The following KNTC1 variants were observed in gnomAD, a reference collection of about 807,000 sequenced individuals.
The protein encoded by KNTC1 is kinetochore-associated protein 1.
KNTC1 carries 253 observed loss-of-function variants against 314.4 expected under a neutral mutation model. The observed-to-expected ratio is 0.80, with a 90% CI of 0.73 to 0.89. The LOEUF (loss-of-function observed/expected upper bound fraction) is 0.89. Among genes scored for constraint, KNTC1 ranks in the 40% least tolerant of loss-of-function variants. KNTC1 has a pLI of 0.00. For synonymous variants in KNTC1, 901 were observed against 901.4 expected (o/e 1.00, Z 0.01); for missense variants, 2,475 against 2,572.9 (o/e 0.96, Z 0.82).
intron 37 of KNTC1, among the ~76,000 whole-genome samples, 165 bp downstream of exon 37, chr12:122,585,939 T>C (rs1236504807): frequency 6.6e-6 from 1 of 152,222 alleles, no homozygotes; most frequent in Non-Finnish European, 1.5e-5. Context: ...TGTGATTTCA[T>C]TTATGTAAAG....
In KNTC1 at chr12:122,530,009, T is replaced by C; in HGVS notation, c.-55T>C. 1 of 1,587,686 alleles carries C rather than the reference T, an allele frequency of 6.3e-7. No homozygotes were observed. Among genetic ancestry groups the C allele is most frequent in the Non-Finnish European group, 8.6e-7 (1 of 1,165,736 alleles). ...CAACAAGATAATATGGTGTCTAATT[T>C]TATGTTGTTCAGGAAAGACAGTGGT... On this transcript the variant is annotated 5_prime_UTR_variant, in exon 2 of 64. Coordinates refer to ENST00000333479, the MANE Select transcript of KNTC1 (RefSeq NM_014708.6).
chr12:122,587,902 C>T, intron 39 of KNTC1, 28 bp downstream of exon 39: 1 of 1,594,930 alleles, frequency 6.3e-7, no homozygotes, highest in Non-Finnish European at 8.6e-7. Context: ...AATACTTTGA[C>T]TTGGGGTGAA....
At chr12:122,594,448 C>A in intron 43 of KNTC1, 63 bp downstream of exon 43, 1 of 916,518 alleles carries the variant, frequency 1.1e-6, no homozygotes, top group Non-Finnish European at 1.8e-6. Flanking sequence ...TTTGCAAGAA[C>A]ACAGTAATAA....
chr12:122,603,181 C>G lies in KNTC1; in HGVS notation c.5039C>G (p.Ser1680Cys), dbSNP rs367958993. 1.2e-6 allele frequency: 2 copies of G among 1,613,232 alleles called. No individual in the cohort carries two copies. The highest frequency in any genetic ancestry group is 1.1e-5 in the South Asian group (1 of 90,996). The change falls in exon 48 of 64, where the codon TCT (serine) becomes TGT (cysteine). Residue 1680 changes from serine (S) to cysteine (C), a missense_variant. Ser to Cys is a moderately radical substitution (Grantham distance 112, BLOSUM62 -1). Transcript: ENST00000333479. ...CAGACCATCGAATCCTGCTTACTCT[C>G]TATAGTCAACCCAGAGTGGGCTGTA... The part of the protein sequence containing the change: ...ITQTIESCLL[S>C]IVNPEWAVAI...
chr12:122,533,449 C>T (rs1961539473), intron 2 of KNTC1, among the ~76,000 whole-genome samples: 1 of 152,104 alleles, frequency 6.6e-6, no homozygotes, highest in Non-Finnish European at 1.5e-5. Flanking sequence ...ATTCCCGGCA[C>T]TTTGGGTGGT....
At position 122,577,761 on chromosome 12, in the gene KNTC1, A is replaced by G. The variant is rs374689028; in HGVS notation, c.2811A>G (p.Ala937=). 51 of 1,613,644 alleles carry G rather than the reference A, an allele frequency of 3.2e-5. No homozygotes were observed. The highest frequency in any genetic ancestry group is 3.7e-5 in the Non-Finnish European group (44 of 1,179,758). ...AERVIIWARL[A]LQEEPDHSKE... The stretch of plus-strand genomic sequence containing the variant: ...GAGTCATCATATGGGCACGACTGGC[A>G]TTACAAGAAGAGCCAGATCATTCTA... Residue 937 remains alanine (A), a synonymous_variant, in exon 31 of 64, where the codon GCA becomes GCG. Coordinates refer to ENST00000333479, the MANE Select transcript of KNTC1 (RefSeq NM_014708.6).
intron 36 of KNTC1, 77 bp downstream of exon 36, chr12:122,585,067 T>G: frequency 1.2e-6 from 1 of 811,072 alleles, no homozygotes; most frequent in Non-Finnish European, 2.1e-6. Context: ...GGACAGGGTT[T>G]TGTTCTGTCA....
intron 49 of KNTC1, 105 bp from the exon 50 acceptor site, chr12:122,604,772 A>T (rs189264223): frequency 2.3e-6 from 3 of 1,278,628 alleles, no homozygotes; most frequent in Non-Finnish European, 3.3e-6. Context: ...GCTTAGGAAC[A>T]TAACTGAGGA....
At chr12:122,588,910 C>A in intron 40 of KNTC1, 94 bp downstream of exon 40, 2 of 668,048 alleles carry the variant, frequency 3.0e-6, no homozygotes, top group Non-Finnish European at 4.8e-6. Context: ...TGATTCAGTA[C>A]AGTAGTATTT....
intron 3 of KNTC1, among the ~76,000 whole-genome samples, chr12:122,537,635 C>T (rs1961947682): frequency 1.3e-5 from 2 of 151,564 alleles, no homozygotes; most frequent in African/African-American, 4.8e-5. Context: ...CCAGGCTGGT[C>T]TCGAACTCCT....
At chr12:122,598,429 T>TA (rs1338604750) in intron 44 of KNTC1, among the ~76,000 whole-genome samples, 1 of 147,932 alleles carries the variant, frequency 6.8e-6, no homozygotes, top group African/African-American at 2.5e-5. Context: ...TTCTTTTTTT[T>TA]TTTTTTTTTG....
chr12:122,625,076 C>A (rs868433674), intron 63 of KNTC1, among the ~76,000 whole-genome samples: 2 of 152,012 alleles, frequency 1.3e-5, no homozygotes, highest in Admixed American at 6.6e-5. Flanking sequence ...AATTATTATT[C>A]TTTAATTACC....
chr12:122,544,816 C>G (rs1307268637), intron 8 of KNTC1, among the ~76,000 whole-genome samples: 2 of 152,120 alleles, frequency 1.3e-5, no homozygotes, highest in Non-Finnish European at 2.9e-5. Flanking sequence ...TTTGCCCATC[C>G]AGCTTCACAA....
chr12:122,585,543 T>C, intron 36 of KNTC1, 93 bp from the exon 37 acceptor site: 1 of 1,393,660 alleles, frequency 7.2e-7, no homozygotes, highest in South Asian at 1.3e-5. Context: ...AGAGTTTAAC[T>C]TAAAATGAAA....
rs186356100 is a variant in KNTC1, at chr12:122,536,049, A to G, written c.250+1265A>G. 1.2e-3 allele frequency among the ~76,000 whole-genome samples: 182 copies of G among 148,742 alleles called. 1 individual carries two copies. Among genetic ancestry groups the G allele is most frequent in the South Asian group, 4.1e-3 (19 of 4,652 alleles). ...GCTGGGACTACAGGCGCCCACCACC[A>G]TGCCTGGGCAATTTTTTGTATTTTT... is the stretch of plus-strand genomic sequence containing the variant. On this transcript the variant is annotated intron_variant, in intron 3 of 63. Coordinates refer to ENST00000333479, the MANE Select transcript of KNTC1 (RefSeq NM_014708.6).
chr12:122,577,510 A>T (rs1965108702), intron 30 of KNTC1, among the ~76,000 whole-genome samples, 162 bp from the exon 31 acceptor site: 1 of 152,214 alleles, frequency 6.6e-6, no homozygotes, highest in Non-Finnish European at 1.5e-5. Context: ...AACTTAAAGT[A>T]AAATAAAATA....
rs752647694 is a variant in KNTC1 at position 122,544,185 on chromosome 12, T to C, written c.585T>C (p.Phe195=). Residue 195 remains phenylalanine (F), a synonymous_variant, in exon 8 of 64, where the codon TTT becomes TTC. Coordinates refer to ENST00000333479, the MANE Select transcript of KNTC1 (RefSeq NM_014708.6). ...TACAAGGACAAATCAAGTCCAGTTT[T>C]ATTTCTACTGAAAATTATCATACTC... ...KKLQGQIKSS[F]ISTENYHTLG... 1 of 1,573,478 alleles carries C rather than the reference T, an allele frequency of 6.4e-7. No homozygotes were observed. The highest frequency in any genetic ancestry group is 8.6e-7 in the Non-Finnish European group (1 of 1,162,356).
At chr12:122,583,741 G>A (rs962631124) in intron 34 of KNTC1, among the ~76,000 whole-genome samples, 4 of 152,050 alleles carry the variant, frequency 2.6e-5, no homozygotes, top group South Asian at 4.1e-4. Flanking sequence ...CAGGAGAATC[G>A]CTTGAACCTG....
chr12:122,573,019 A>G lies in KNTC1; in HGVS notation c.2102A>G (p.Lys701Arg), dbSNP rs775948010. The G allele has an allele frequency of 3.5e-5, 57 of 1,611,692 alleles. 2 individuals are homozygous for G. In the South Asian group the frequency reaches 6.1e-4, roughly 17 times the overall value. Residue 701 changes from lysine (K) to arginine (R), a missense_variant, in exon 25 of 64, where the codon AAG becomes AGG. Lys to Arg is a conservative substitution (Grantham distance 26). Transcript: ENST00000333479. ...NLRELITLHR[K>R]YNCKLALSDF... is the part of the protein sequence containing the mutation. The stretch of plus-strand genomic sequence containing the variant: ...CGAGAGTTGATCACGTTGCATAGGA[A>G]GTACAACTGCAAATTAGCCCTCTCT...
Sources: gnomAD v4.1 joint callset for allele counts (sites outside exome capture counted in the v4.1 genomes callset) on GRCh38, gnomAD v4.1.1 for gene constraint, MANE v1.5 for transcripts, NCBI Gene and HGNC (gene_info 2026-07-23, HGNC 2026-07-21) for gene names.